Variants in EPHA4 observed in about 807,000 individuals in gnomAD.
The protein encoded by EPHA4 is EPH receptor A4.
EPHA4 carries 19 observed loss-of-function variants against 108.3 expected under a neutral mutation model. That is an observed-to-expected ratio of 0.18 (90% confidence interval 0.12 to 0.26). EPHA4 has a LOEUF of 0.26. Ranked by LOEUF, EPHA4 falls within the 10% of genes least tolerant of loss-of-function variation. The pLI is 1.00. For synonymous variants in EPHA4, 449 were observed against 455.5 expected (o/e 0.99, Z 0.18); for missense variants, 917 against 1,254.0 (o/e 0.73, Z 4.06).
intron 2 of EPHA4, among the ~76,000 whole-genome samples, chr2:221,565,284 C>G (rs1694596122): frequency 6.6e-6 from 1 of 152,170 alleles, no homozygotes; most frequent in South Asian, 2.1e-4. Flanking sequence ...AATGGTAGGA[C>G]AACTTGCGTC....
At chr2:221,498,177 C>CA (rs1692359464) in intron 4 of EPHA4, among the ~76,000 whole-genome samples, 1 of 152,194 alleles carries the variant, frequency 6.6e-6, no homozygotes. Flanking sequence ...AGGTCAGCAT[C>CA]ATGAGACTGA....
chr2:221,540,789 T>C (rs1451540408), intron 3 of EPHA4, among the ~76,000 whole-genome samples: 1 of 152,196 alleles, frequency 6.6e-6, no homozygotes, highest in Non-Finnish European at 1.5e-5. Context: ...TGTTTATCTT[T>C]GACGGGAGAG....
chr2:221,572,409 G>A, upstream of EPHA4: 1 of 449,318 alleles, frequency 2.2e-6, no homozygotes. Flanking sequence ...CGCAGACAGG[G>A]CGGCCGAGCC....
intron 4 of EPHA4, among the ~76,000 whole-genome samples, chr2:221,485,709 A>T (rs1297407458): frequency 2.0e-5 from 3 of 152,160 alleles, no homozygotes; most frequent in Admixed American, 2.0e-4. Context: ...CTGCCAATTA[A>T]AAGATTACAA....
intron 2 of EPHA4, among the ~76,000 whole-genome samples, chr2:221,567,190 C>A (rs1694694548): frequency 6.6e-6 from 1 of 151,952 alleles, no homozygotes; most frequent in African/African-American, 2.4e-5. Flanking sequence ...TTAAAAGCAG[C>A]CAGTAAGAAA....
chr2:221,464,395 A>T (rs1406906674), intron 5 of EPHA4, among the ~76,000 whole-genome samples: 1 of 152,214 alleles, frequency 6.6e-6, no homozygotes, highest in Non-Finnish European at 1.5e-5. Flanking sequence ...AAGCATCAGA[A>T]TTAAATGCTT....
In EPHA4 at chr2:221,419,227, C is replaced by T. The variant is rs1391433255; in HGVS notation, c.*2145G>A. ...ACTGAATCTTCACACTCCGGAGCTC[C>T]GATTCTAGAAGGCTGATGCTCTTGT... On this transcript the variant is annotated 3_prime_UTR_variant, in exon 18 of 18. Coordinates refer to ENST00000281821, the MANE Select transcript of EPHA4 (RefSeq NM_004438.5). 2 of 152,646 alleles carry T rather than the reference C, an allele frequency of 1.3e-5. No homozygotes were observed. The highest frequency in any genetic ancestry group is 2.9e-5 in the Non-Finnish European group (2 of 68,030). The allele number at this position is 152,646 out of a possible 1,614,324, so 9.5% of individuals were successfully genotyped here.
intron 5 of EPHA4, among the ~76,000 whole-genome samples, chr2:221,467,225 C>T (rs1409190931): frequency 6.6e-6 from 1 of 152,154 alleles, no homozygotes; most frequent in African/African-American, 2.4e-5. Flanking sequence ...GGAAGACTGG[C>T]AATGTTCTAT....
chr2:221,456,311 A>G (rs1463515402), intron 7 of EPHA4, among the ~76,000 whole-genome samples: 2 of 152,152 alleles, frequency 1.3e-5, no homozygotes, highest in Admixed American at 6.6e-5. Flanking sequence ...GTAACCCTCA[A>G]TTTGTCAGTT....
At chr2:221,432,310 T>G (rs1690102278) in intron 14 of EPHA4, among the ~76,000 whole-genome samples, 1 of 152,188 alleles carries the variant, frequency 6.6e-6, no homozygotes, top group African/African-American at 2.4e-5. Context: ...TTACAGTAAC[T>G]ACATTTACTA....
At chr2:221,517,466 G>A (rs1363998058) in intron 3 of EPHA4, among the ~76,000 whole-genome samples, 4 of 152,204 alleles carry the variant, frequency 2.6e-5, no homozygotes, top group African/African-American at 7.2e-5. Context: ...CTGGTAGAAC[G>A]TGGATGACAG....
chr2:221,494,325 C>T (rs1003659608), intron 4 of EPHA4, among the ~76,000 whole-genome samples: 13 of 152,168 alleles, frequency 8.5e-5, no homozygotes, highest in African/African-American at 1.2e-4. Flanking sequence ...ACCTTAATGC[C>T]GGGTGCAGTG....
intron 3 of EPHA4, among the ~76,000 whole-genome samples, chr2:221,562,834 C>A (rs984474033): frequency 1.3e-5 from 2 of 151,830 alleles, no homozygotes; most frequent in East Asian, 3.9e-4. Flanking sequence ...TTCTGTAAAG[C>A]AAAGGACTTT....
chr2:221,569,140 T>G (rs1694755197), intron 1 of EPHA4, among the ~76,000 whole-genome samples: 1 of 152,192 alleles, frequency 6.6e-6, no homozygotes, highest in African/African-American at 2.4e-5. Context: ...TTCATCTCTG[T>G]CTGGTATCTA....
chr2:221,507,699 C>A (rs1424153526), intron 3 of EPHA4, among the ~76,000 whole-genome samples: 1 of 152,082 alleles, frequency 6.6e-6, no homozygotes, highest in Non-Finnish European at 1.5e-5. Flanking sequence ...AATCCCAAGA[C>A]TGAGATAAAG....
intron 9 of EPHA4, among the ~76,000 whole-genome samples, chr2:221,445,418 T>C (rs1284931386): frequency 2.0e-5 from 3 of 151,854 alleles, no homozygotes; most frequent in African/African-American, 7.3e-5. Flanking sequence ...TGAAATCCCA[T>C]CTCTACTAAA....
chr2:221,537,314 A>C (rs898292592), intron 3 of EPHA4, among the ~76,000 whole-genome samples: 5 of 152,256 alleles, frequency 3.3e-5, no homozygotes, highest in Non-Finnish European at 5.9e-5. Context: ...AAAGCAATTT[A>C]AAAGTCACTC....
At chr2:221,432,127 G>GT (rs5838885) in intron 14 of EPHA4, among the ~76,000 whole-genome samples, 1 of 146,866 alleles carries the variant, frequency 6.8e-6, no homozygotes, top group Non-Finnish European at 1.5e-5. Flanking sequence ...TATATATATT[G>GT]TTTTTTTATA....
chr2:221,537,383 C>T (rs1004925888), intron 3 of EPHA4, among the ~76,000 whole-genome samples: 7 of 152,198 alleles, frequency 4.6e-5, no homozygotes, highest in Non-Finnish European at 1.0e-4. Flanking sequence ...CCCAATATTA[C>T]CCAGTATGGC....
Sources: allele counts gnomAD v4.1 joint callset (sites outside exome capture counted in the v4.1 genomes callset), GRCh38; gene constraint gnomAD v4.1.1; transcripts MANE v1.5; gene names NCBI Gene and HGNC (gene_info 2026-07-23, HGNC 2026-07-21).